The following PLEKHG1 variants were observed in gnomAD, a reference collection of about 807,000 sequenced individuals.
The protein encoded by PLEKHG1 is pleckstrin homology and RhoGEF domain containing G1, also known as pleckstrin homology domain-containing family G member 1.
In PLEKHG1, 44 loss-of-function variants were observed where a neutral mutation model predicts 100.8. The ratio of observed to expected loss-of-function variants is 0.44; its 90% confidence interval spans 0.34 to 0.56. The LOEUF is 0.56. Among genes scored for constraint, PLEKHG1 ranks in the 20% least tolerant of loss-of-function variants. PLEKHG1 has a pLI of 0.01. For synonymous variants in PLEKHG1, 640 were observed against 662.5 expected (o/e 0.97, Z 0.52); for missense variants, 1,545 against 1,720.9 (o/e 0.90, Z 1.81).
intron 3 of PLEKHG1, among the ~76,000 whole-genome samples, chr6:150,672,033 A>G (rs1779603733): frequency 6.6e-6 from 1 of 152,176 alleles, no homozygotes; most frequent in South Asian, 2.1e-4. Context: ...TGGTAAAGAG[A>G]TGACAAGTCA....
chr6:150,631,208 C>T (rs1777733376), intron 1 of PLEKHG1, among the ~76,000 whole-genome samples: 2 of 152,198 alleles, frequency 1.3e-5, no homozygotes, highest in Admixed American at 1.3e-4. Flanking sequence ...ATCCTCCAGC[C>T]TGTTTGAAAT....
chr6:150,674,737 C>T lies in PLEKHG1; in HGVS notation c.-99+23951C>T, dbSNP rs1779702332. Among the ~76,000 whole-genome samples the T allele has an allele frequency of 3.4e-5, 5 of 146,076 alleles. No individual in the cohort carries two copies. The South Asian group carries it at 9.0e-4, about 26-fold the overall frequency. On this transcript the variant is annotated intron_variant, in intron 3 of 3. Transcript: ENST00000367326. ...TCGCTCTGTCGCTCAGGATGGAGTG[C>T]AGTGGCATGATTTCAGCTCACTGCA... is the stretch of plus-strand genomic sequence containing the variant.
intron 3 of PLEKHG1, among the ~76,000 whole-genome samples, chr6:150,714,491 C>T (rs776273748): frequency 1.4e-4 from 22 of 152,254 alleles, no homozygotes; most frequent in Admixed American, 4.6e-4. Flanking sequence ...GAAAGGTATA[C>T]GATGGAGATG....
intron 2 of PLEKHG1, among the ~76,000 whole-genome samples, chr6:150,738,705 C>G (rs868831886): frequency 2.3e-4 from 35 of 152,274 alleles, no homozygotes; most frequent in African/African-American, 8.2e-4. Context: ...CAACCCCTGT[C>G]CCCTCCCCAG....
At chr6:150,744,075 T>TTTGTTG (rs914167927) in intron 2 of PLEKHG1, among the ~76,000 whole-genome samples, 1 of 152,042 alleles carries the variant, frequency 6.6e-6, no homozygotes. Flanking sequence ...ATTTTTTATT[T>TTTGTTG]TTGTTGTTGT....
chr6:150,616,090 C>T (rs1476243710), intron 1 of PLEKHG1, among the ~76,000 whole-genome samples: 1 of 152,130 alleles, frequency 6.6e-6, no homozygotes, highest in Non-Finnish European at 1.5e-5. Context: ...CAGACTGGCC[C>T]CAGATCTGAA....
chr6:150,637,653 T>G (rs943038664), intron 1 of PLEKHG1, among the ~76,000 whole-genome samples: 6 of 152,192 alleles, frequency 3.9e-5, no homozygotes, highest in African/African-American at 1.4e-4. Flanking sequence ...ATGTTAGACT[T>G]ACGACATAGT....
intron 1 of PLEKHG1, among the ~76,000 whole-genome samples, chr6:150,613,327 C>A (rs1776928747): frequency 6.6e-6 from 1 of 152,228 alleles, no homozygotes; most frequent in Non-Finnish European, 1.5e-5. Flanking sequence ...TTACCCCACT[C>A]ATTTTTATGT....
chr6:150,717,606 C>T (rs1002588678), upstream of PLEKHG1, among the ~76,000 whole-genome samples: 1 of 152,204 alleles, frequency 6.6e-6, no homozygotes, highest in Non-Finnish European at 1.5e-5. Context: ...GTGGGTGCTG[C>T]TCTTCTGCGC....
chr6:150,821,685 A>G (rs752268932), intron 13 of PLEKHG1, among the ~76,000 whole-genome samples: 32 of 152,072 alleles, frequency 2.1e-4, no homozygotes, highest in Admixed American at 7.2e-4. Flanking sequence ...CCGTGTCACA[A>G]AAAATAATAA....
intron 3 of PLEKHG1, among the ~76,000 whole-genome samples, chr6:150,696,676 T>A (rs1224192739): frequency 6.6e-6 from 1 of 152,212 alleles, no homozygotes; most frequent in Non-Finnish European, 1.5e-5. Context: ...AGCATAATTT[T>A]ACAAGTGATT....
chr6:150,815,041 A>G (rs895423459), intron 10 of PLEKHG1, among the ~76,000 whole-genome samples: 1 of 152,190 alleles, frequency 6.6e-6, no homozygotes, highest in Non-Finnish European at 1.5e-5. Flanking sequence ...CTTGTCTAAT[A>G]TACTTTATTC....
rs556164629 is a variant in PLEKHG1 at position 150,628,578 on chromosome 6, C to A, written c.-203-9502C>A. 6.4e-3 allele frequency among the ~76,000 whole-genome samples: 205 copies of A among 32,134 alleles called. 5 individuals are homozygous for A. The highest frequency in any genetic ancestry group is 0.011 in the Non-Finnish European group (155 of 13,838). The allele number at this position is 32,134 out of a possible 152,430, so 21.1% of individuals were successfully genotyped here. The stretch of plus-strand genomic sequence containing the variant: ...CACACACACACACACACACACACAC[C>A]CCGTCCTTGCCCTCCTGCACTGAAC... On this transcript the variant is annotated intron_variant, in intron 1 of 3. Transcript: ENST00000367326.
intron 3 of PLEKHG1, among the ~76,000 whole-genome samples, chr6:150,710,339 C>T (rs1465006386): frequency 1.3e-5 from 2 of 152,196 alleles, no homozygotes; most frequent in African/African-American, 4.8e-5. Context: ...CCTTTTGTGA[C>T]CCCTTCTTTT....
intron 7 of PLEKHG1, among the ~76,000 whole-genome samples, chr6:150,806,320 C>G (rs899494278): frequency 7.2e-6 from 1 of 137,942 alleles, no homozygotes; most frequent in East Asian, 2.3e-4. Flanking sequence ...CTATTGAATA[C>G]AGTCATCCCC....
intron 3 of PLEKHG1, among the ~76,000 whole-genome samples, chr6:150,652,219 T>C (rs1778775528): frequency 6.6e-6 from 1 of 152,192 alleles, no homozygotes; most frequent in Non-Finnish European, 1.5e-5. Context: ...TGCCTTTCTG[T>C]TAGGTCCAGG....
intron 1 of PLEKHG1, among the ~76,000 whole-genome samples, chr6:150,604,947 T>C (rs1054199231): frequency 2.6e-5 from 4 of 152,218 alleles, no homozygotes; most frequent in Admixed American, 6.5e-5. Flanking sequence ...ATGTATACCC[T>C]GTGTCCTTGC....
At position 150,627,598 on chromosome 6, in the gene PLEKHG1, G is replaced by A. The variant is rs369255104; in HGVS notation, c.-203-10482G>A. 6.6e-4 allele frequency among the ~76,000 whole-genome samples: 100 copies of A among 151,800 alleles called. 3 individuals are homozygous for A. Among genetic ancestry groups the A allele is most frequent in the African/African-American group, 2.3e-3 (96 of 41,394 alleles). ...GAAACTGCACTTCTTTTTTTTAACC[G>A]TAATCTTAAAAAAAAGTATTTACTA... On this transcript the variant is annotated intron_variant, in intron 1 of 3. Transcript: ENST00000367326.
At chr6:150,685,741 A>G (rs1216791177) in intron 3 of PLEKHG1, among the ~76,000 whole-genome samples, 2 of 152,214 alleles carry the variant, frequency 1.3e-5, no homozygotes, top group East Asian at 3.8e-4. Context: ...GGTAAATTGT[A>G]GTTTTATTTA....
Sources: gnomAD v4.1 joint callset for allele counts (sites outside exome capture counted in the v4.1 genomes callset) on GRCh38, gnomAD v4.1.1 for gene constraint, MANE v1.5 for transcripts, NCBI Gene and HGNC (gene_info 2026-07-23, HGNC 2026-07-21) for gene names.